The following MYO15B variants were observed in gnomAD, a reference collection of about 807,000 sequenced individuals.
MYO15B encodes myosin XVB pseudogene.
MYO15B carries 207 observed loss-of-function variants against 119.3 expected under a neutral mutation model. That is an observed-to-expected ratio of 1.73 (90% CI 1.55 to 1.95). The LOEUF (loss-of-function observed/expected upper bound fraction) is 1.95, where lower values mean the gene tolerates loss of function less well. Ranked by LOEUF, MYO15B falls within the 30% of genes most tolerant of loss-of-function variation. MYO15B has a pLI of 0.00. For missense variants in MYO15B, 2,264 were observed against 1,203.1 expected (o/e 1.88, Z -13.04); for synonymous variants, 966 against 498.9 (o/e 1.94, Z -12.48).
At chr17:75,615,561 CCAG>C (rs2058317824) in exon 35 of MYO15B, 3 of 701,486 alleles carry the variant, frequency 4.3e-6, no homozygotes, top group East Asian at 2.7e-5. Flanking sequence ...AGCTGGCCGT[CCAG>C]CAGCAGAACT....
chr17:75,592,277 T>C, exon 7 of MYO15B: 1 of 702,856 alleles, frequency 1.4e-6, no homozygotes, highest in Non-Finnish European at 2.6e-6. Flanking sequence ...ATTATCTACT[T>C]GAGACCTCCA....
chr17:75,596,843 G>T, exon 14 of MYO15B: 1 of 703,014 alleles, frequency 1.4e-6, no homozygotes, highest in South Asian at 1.5e-5. Context: ...AGACCTCCTG[G>T]TAGATCAGCC....
intron 21 of MYO15B, among the ~76,000 whole-genome samples, chr17:75,608,864 G>A (rs148579106): frequency 2.4e-3 from 363 of 152,266 alleles, no homozygotes; most frequent in African/African-American, 8.3e-3. Flanking sequence ...CTATGAAGTA[G>A]CTGGGACTAC....
intron 5 of MYO15B, 103 bp from the exon 6 acceptor site, chr17:75,591,874 T>C (rs900293730): frequency 6.0e-6 from 4 of 668,456 alleles, no homozygotes; most frequent in African/African-American, 1.8e-5. Context: ...GGCACTGCCC[T>C]TTCTGATGGG....
chr17:75,601,369 G>C, intron 14 of MYO15B, 69 bp from the exon 15 acceptor site: 1 of 687,788 alleles, frequency 1.5e-6, no homozygotes, highest in African/African-American at 1.8e-5. Context: ...CGTGCTCACC[G>C]GGAGAGGGCG....
intron 53 of MYO15B, among the ~76,000 whole-genome samples, chr17:75,623,042 G>A (rs60358995): frequency 1.4e-5 from 2 of 139,652 alleles, no homozygotes; most frequent in East Asian, 2.0e-4. Flanking sequence ...AGAGATCAGA[G>A]AAGCAGGGGC....
exon 8 of MYO15B, chr17:75,592,497 C>T (rs1475237078): frequency 4.9e-6 from 3 of 607,294 alleles, no homozygotes; most frequent in Middle Eastern, 4.3e-4. Context: ...AGAGCGGGAG[C>T]GGCTCTCCCT....
At chr17:75,616,954 C>T (rs981917634) in exon 40 of MYO15B, 14 of 702,820 alleles carry the variant, frequency 2.0e-5, no homozygotes, top group Non-Finnish European at 3.6e-5. Context: ...GCCCACTCGT[C>T]CCCGCCGGTG....
intron 14 of MYO15B, among the ~76,000 whole-genome samples, chr17:75,599,159 A>G (rs1347468620): frequency 1.3e-5 from 2 of 152,136 alleles, no homozygotes; most frequent in South Asian, 2.1e-4. Context: ...TTGCCTCTCA[A>G]AGTGCTGGGA....
At chr17:75,616,734 G>A (rs202227934) in exon 39 of MYO15B, 15 of 702,948 alleles carry the variant, frequency 2.1e-5, no homozygotes, top group Middle Eastern at 2.3e-4. Context: ...AACATCATCC[G>A]CATGTACCAG....
intron 12 of MYO15B, among the ~76,000 whole-genome samples, chr17:75,596,101 C>CTTCCTGGAG (rs2147775847): frequency 6.6e-6 from 1 of 152,320 alleles, no homozygotes; most frequent in East Asian, 1.9e-4. Flanking sequence ...GGCTGGAAGG[C>CTTCCTGGAG]TTCCTGGAGG....
At chr17:75,595,534 A>G (rs1225360344) in intron 12 of MYO15B, among the ~76,000 whole-genome samples, 1 of 152,158 alleles carries the variant, frequency 6.6e-6, no homozygotes. Flanking sequence ...TCCCGTCTGT[A>G]AAACAGAATT....
rs72854924 is a variant in MYO15B, at chr17:75,589,947, T to C, written c.1890T>C (p.Asn630=). 0.087 allele frequency: 34,641 copies of C among 398,512 alleles called. 1,679 individuals are homozygous for C. Among genetic ancestry groups the C allele is most frequent in the Middle Eastern group, 0.15 (240 of 1,592 alleles). The allele number at this position is 398,512 out of a possible 1,614,324, so 24.7% of individuals were successfully genotyped here. Residue 630 remains asparagine, a synonymous_variant, in exon 1 of 64, where the codon AAT becomes AAC. Coordinates refer to ENST00000645453, the Ensembl canonical transcript of MYO15B. This position sits in a 1 kb window ranked among gnomAD's most constrained non-coding sequence, Gnocchi z 4.2. ...GTGAGGCGGAGTTGGAGACCCTCAA[T>C]GACGAGCCCCCGGTGCGCTGGGCGC...
chr17:75,615,638 G>C, intron 35 of MYO15B, 38 bp downstream of exon 35: 1 of 670,260 alleles, frequency 1.5e-6, no homozygotes, highest in Non-Finnish European at 2.7e-6. Flanking sequence ...CCTGGTGGAG[G>C]AGAGGTCTGT....
intron 4 of MYO15B, 154 bp from the exon 5 acceptor site, chr17:75,591,447 C>A (rs1389478508): frequency 1.6e-6 from 1 of 617,718 alleles, no homozygotes; most frequent in South Asian, 1.9e-5. Context: ...TCTTTTCTGT[C>A]GGGTCTCTCC....
intron 19 of MYO15B, among the ~76,000 whole-genome samples, chr17:75,604,478 CTCCCTCCCTTCCACG>C (rs2057489921): frequency 6.9e-6 from 1 of 144,374 alleles, no homozygotes; most frequent in African/African-American, 2.6e-5. Flanking sequence ...TGCCACGCCC[CTCCCTCCCTTCCACG>C]TCCCTCCCTC....
exon 56 of MYO15B, chr17:75,624,240 C>G: frequency 1.4e-6 from 1 of 702,922 alleles, no homozygotes; most frequent in Non-Finnish European, 2.6e-6. Context: ...CCGGCGGATG[C>G]CCCCACCGGG....
exon 1 of MYO15B, chr17:75,588,285 C>G (rs1379019438): frequency 5.0e-6 from 2 of 398,188 alleles, no homozygotes; most frequent in Non-Finnish European, 8.9e-6. Context: ...GGAACGGCGG[C>G]TGCAGACGCC....
At chr17:75,618,005 C>T in intron 42 of MYO15B, 83 bp downstream of exon 42, 1 of 690,670 alleles carries the variant, frequency 1.4e-6, no homozygotes, top group South Asian at 1.5e-5. Context: ...GCCTGGGACC[C>T]CAGCATCCCC....
Sources: allele counts gnomAD v4.1 joint callset (sites outside exome capture counted in the v4.1 genomes callset), GRCh38; gene constraint gnomAD v4.1.1; non-coding constraint Gnocchi (gnomAD v3.1); transcripts MANE v1.5; gene names NCBI Gene and HGNC (gene_info 2026-07-23, HGNC 2026-07-21).